The following MACROH2A2 variants were observed in gnomAD, a reference collection of about 807,000 sequenced individuals.
MACROH2A2 encodes the protein core histone macro-H2A.2.
In MACROH2A2, 6 loss-of-function variants were observed where a neutral mutation model predicts 37.6. The ratio of observed to expected loss-of-function variants is 0.16; its 90% CI spans 0.09 to 0.32. MACROH2A2 has a LOEUF of 0.32. Ranked by LOEUF, MACROH2A2 falls within the 10% of genes least tolerant of loss-of-function variation. The probability of loss-of-function intolerance (pLI) is 1.00; values close to 1 mark genes in which losing one functional copy is unlikely to be tolerated. For synonymous variants in MACROH2A2, 192 were observed against 202.7 expected (o/e 0.95, Z 0.45); for missense variants, 290 against 485.9 (o/e 0.60, Z 3.79).
rs769259032 is a variant in MACROH2A2, at chr10:70,095,722, C to G, written c.657C>G (p.Thr219=). Residue 219 remains threonine (T), a synonymous_variant, in exon 6 of 9, where the codon ACC becomes ACG. Coordinates refer to ENST00000373255, the MANE Select transcript of MACROH2A2 (RefSeq NM_018649.3). The part of the protein sequence containing the change: ...SMRVEGIVHP[T]TAEIDLKEDI... ...GAGTGGAGGGCATTGTCCACCCAAC[C>G]ACAGCCGAAATTGACCTCAAAGAAG... 1 of 1,594,260 alleles carries G rather than the reference C, an allele frequency of 6.3e-7. No homozygotes were observed. The highest frequency in any genetic ancestry group is 8.6e-7 in the Non-Finnish European group (1 of 1,162,026).
chr10:70,095,922 T>C (rs988170694), intron 6 of MACROH2A2, among the ~76,000 whole-genome samples, 169 bp downstream of exon 6: 2 of 152,262 alleles, frequency 1.3e-5, no homozygotes, highest in Non-Finnish European at 2.9e-5. Flanking sequence ...AACTTTGTTT[T>C]AATTCTGCAT....
rs113240036 is a variant in MACROH2A2, at chr10:70,093,058, G to C, written c.478-677G>C. ...ACTCTGTCACCCAGGCTGGAGTACA[G>C]TAATGCAGTGGCGAGATCATAGCTC... On this transcript the variant is annotated intron_variant, in intron 4 of 8. Coordinates refer to ENST00000373255, the MANE Select transcript of MACROH2A2 (RefSeq NM_018649.3). Among the ~76,000 whole-genome samples the C allele has an allele frequency of 7.5e-3, 1,132 of 151,886 alleles. 15 individuals are homozygous for C. Among genetic ancestry groups the C allele is most frequent in the African/African-American group, 0.026 (1,063 of 41,366 alleles).
chr10:70,095,035 A>C (rs2072266446), intron 5 of MACROH2A2, among the ~76,000 whole-genome samples: 1 of 152,200 alleles, frequency 6.6e-6, no homozygotes, highest in South Asian at 2.1e-4. Context: ...TAAGGCCACC[A>C]GGGTTGGGAA....
At chr10:70,072,191 C>A (rs1319774389) in intron 1 of MACROH2A2, among the ~76,000 whole-genome samples, 1 of 151,984 alleles carries the variant, frequency 6.6e-6, no homozygotes, top group African/African-American at 2.4e-5. Context: ...TAGCCTTACT[C>A]TATAAGCATT....
chr10:70,080,885 CAAAAAAAAAAAAAAAA>C (rs149608498), intron 2 of MACROH2A2, among the ~76,000 whole-genome samples: 1 of 31,972 alleles, frequency 3.1e-5, no homozygotes, highest in Non-Finnish European at 5.2e-5. Context: ...AACTCCATCT[CAAAAAAAAAAAAAAAA>C]AAAAAAAAAA....
intron 6 of MACROH2A2, chr10:70,099,328 A>T (rs1455222883): frequency 1.3e-5 from 2 of 152,244 alleles, no homozygotes; most frequent in Non-Finnish European, 2.9e-5. Flanking sequence ...GGAGTGGGGA[A>T]GCATCAGCAC....
intron 2 of MACROH2A2, among the ~76,000 whole-genome samples, chr10:70,087,800 T>A (rs2072220386): frequency 2.0e-5 from 3 of 152,240 alleles, no homozygotes; most frequent in African/African-American, 7.2e-5. Flanking sequence ...TATTCATTGC[T>A]TAATAATCTG....
At chr10:70,096,782 C>T (rs1431732488) in intron 6 of MACROH2A2, among the ~76,000 whole-genome samples, 7 of 152,200 alleles carry the variant, frequency 4.6e-5, no homozygotes, top group Non-Finnish European at 2.9e-5. Context: ...CTGGTAGCAC[C>T]AGGGGCCCCA....
chr10:70,093,880 C>T, intron 5 of MACROH2A2, 35 bp downstream of exon 5: 3 of 1,103,984 alleles, frequency 2.7e-6, no homozygotes, highest in Non-Finnish European at 2.8e-6. Flanking sequence ...TATATTAAAA[C>T]ACCACTGTAT....
In MACROH2A2 at chr10:70,079,608, G is replaced by GACACACAC. The variant is rs1554822102; in HGVS notation, c.172+3778_172+3779insACACACAC. 1.2e-3 allele frequency among the ~76,000 whole-genome samples: 98 copies of GACACACAC among 79,942 alleles called. 1 individual carries two copies. The highest frequency in any genetic ancestry group is 1.9e-3 in the Non-Finnish European group (69 of 35,504). 52.4% of individuals were successfully genotyped at this position (79,942 alleles called of 152,430 possible). ...ACACACACACACACACACACACACGGCAGAGGAGGCATCAAAGAGAGGTGG... is the reference window on the plus strand; with the variant it reads ...ACACACACACACACACACACACACGGACACACACCAGAGGAGGCATCAAAGAGAGGTGG... On this transcript the variant is annotated intron_variant, in intron 2 of 8. Transcript: ENST00000373255.
At chr10:70,096,381 A>G (rs1393817392) in intron 6 of MACROH2A2, among the ~76,000 whole-genome samples, 2 of 152,234 alleles carry the variant, frequency 1.3e-5, no homozygotes, top group African/African-American at 4.8e-5. Flanking sequence ...TAGTGCTACT[A>G]TAAATATTGT....
rs1010184412 is a variant in MACROH2A2, at chr10:70,053,123, G to A, written c.-60+123G>A. 11 of 152,274 alleles carry A rather than the reference G, an allele frequency of 7.2e-5. No homozygotes were observed. Among genetic ancestry groups the A allele is most frequent in the Admixed American group, 2.0e-4 (3 of 15,288 alleles). 9.4% of individuals were successfully genotyped at this position (152,274 alleles called of 1,614,324 possible). Reference sequence around the variant, plus strand: ...CTCTGCCTCTCCCCCGAGCCCCTGCGGGCGCACCCTCGATAGCCGACCCAC... The same window carrying A: ...CTCTGCCTCTCCCCCGAGCCCCTGCAGGCGCACCCTCGATAGCCGACCCAC... On this transcript the variant is annotated intron_variant, in intron 1 of 8. Transcript: ENST00000373255. This position sits in a 1 kb window ranked among gnomAD's most constrained non-coding sequence, Gnocchi z 4.8.
Position 70,109,037 on chromosome 10 carries a change from C to T in MACROH2A2, c.783C>T (p.Ala261=), listed in dbSNP as rs189521734. ...SQGPLEVAEA[A]VSQSSGLAAK... Reference sequence around the variant, plus strand: ...ATTTTCTCTCCTATGTCCCAGCCGCCGTCAGCCAATCCAGTGGACTCGCAG... The same window carrying T: ...ATTTTCTCTCCTATGTCCCAGCCGCTGTCAGCCAATCCAGTGGACTCGCAG... Residue 261 remains alanine (A), a synonymous_variant, in exon 8 of 9, where the codon GCC becomes GCT. Transcript: ENST00000373255. The T allele has an allele frequency of 6.8e-6, 11 of 1,613,978 alleles. No individual in the cohort carries two copies. Among genetic ancestry groups the T allele is most frequent in the Admixed American group, 6.7e-5 (4 of 60,026 alleles).
intron 8 of MACROH2A2, among the ~76,000 whole-genome samples, chr10:70,110,230 G>A (rs776404200): frequency 2.0e-5 from 3 of 152,124 alleles, no homozygotes; most frequent in African/African-American, 2.4e-5. Flanking sequence ...GACCCCTAAC[G>A]ACCATTCTGG....
intron 1 of MACROH2A2, among the ~76,000 whole-genome samples, chr10:70,055,263 T>G (rs1252081660): frequency 1.3e-5 from 2 of 152,210 alleles, no homozygotes; most frequent in Non-Finnish European, 2.9e-5. Flanking sequence ...GCCAACTTTC[T>G]TAAGAATGTT....
chr10:70,056,214 T>TA (rs2072015460), intron 1 of MACROH2A2, among the ~76,000 whole-genome samples: 1 of 152,232 alleles, frequency 6.6e-6, no homozygotes, highest in African/African-American at 2.4e-5. Context: ...ATAACCTTGT[T>TA]ACAATATTTG....
At chr10:70,082,017 G>C (rs7099203) in intron 2 of MACROH2A2, among the ~76,000 whole-genome samples, 32,716 of 152,046 alleles carry the variant, frequency 0.22, 3,897 homozygotes, top group African/African-American at 0.31. Flanking sequence ...TTTTAAAAAA[G>C]CGTGCAGCCA....
chr10:70,071,062 C>A (rs952373619), intron 1 of MACROH2A2, among the ~76,000 whole-genome samples: 2 of 147,636 alleles, frequency 1.4e-5, no homozygotes, highest in Non-Finnish European at 3.0e-5. Context: ...TGTGGGCGCG[C>A]GTGTGCATGT....
chr10:70,111,868 A>T lies in MACROH2A2; in HGVS notation c.*185A>T, dbSNP rs1432230750. 2 of 427,080 alleles carry T rather than the reference A, an allele frequency of 4.7e-6. No individual in the cohort carries two copies. Among genetic ancestry groups the T allele is most frequent in the Non-Finnish European group, 8.2e-6 (2 of 244,464 alleles). 26.5% of individuals were successfully genotyped at this position (427,080 alleles called of 1,614,324 possible). On this transcript the variant is annotated 3_prime_UTR_variant, in exon 9 of 9. Transcript: ENST00000373255. ...AAAGAGCCTCCATCTGTAAGGAAGC[A>T]GGTCTCCGCGAGGGGTTTCTTTCCA...
Sources: allele counts gnomAD v4.1 joint callset (sites outside exome capture counted in the v4.1 genomes callset), GRCh38; gene constraint gnomAD v4.1.1; non-coding constraint Gnocchi (gnomAD v3.1); transcripts MANE v1.5; gene names NCBI Gene and HGNC (gene_info 2026-07-23, HGNC 2026-07-21).